Variants in RALGPS2 observed in about 807,000 individuals in gnomAD.
RALGPS2 encodes the protein Ral GEF with PH domain and SH3 binding motif 2.
A neutral mutation model predicts 86.8 loss-of-function variants in RALGPS2; 43 were observed. The ratio of observed to expected loss-of-function variants is 0.50; its 90% CI spans 0.39 to 0.64. The LOEUF is 0.64. Among genes scored for constraint, RALGPS2 ranks in the 30% least tolerant of loss-of-function variants. The probability of loss-of-function intolerance (pLI) is 0.00; values close to 1 mark genes in which losing one functional copy is unlikely to be tolerated. For missense variants in RALGPS2, 536 were observed against 694.6 expected (o/e 0.77, Z 2.57); for synonymous variants, 243 against 231.3 (o/e 1.05, Z -0.46).
At chr1:178,742,954 G>C (rs566693337) in intron 1 of RALGPS2, among the ~76,000 whole-genome samples, 1 of 152,208 alleles carries the variant, frequency 6.6e-6, no homozygotes, top group Non-Finnish European at 1.5e-5. Context: ...GGTGGCCCAT[G>C]CCTGTAATCC....
At chr1:178,891,405 T>C in intron 14 of RALGPS2, among the ~76,000 whole-genome samples, 1 of 152,092 alleles carries the variant, frequency 6.6e-6, no homozygotes, top group East Asian at 1.9e-4. Flanking sequence ...CTGTTCTTAT[T>C]TTCTAGACAG....
At chr1:178,787,455 A>C (rs1653711594) in intron 4 of RALGPS2, among the ~76,000 whole-genome samples, 1 of 152,282 alleles carries the variant, frequency 6.6e-6, no homozygotes, top group Non-Finnish European at 1.5e-5. Context: ...AATTATTGAG[A>C]TATCTTACAT....
intron 16 of RALGPS2, among the ~76,000 whole-genome samples, chr1:178,896,456 A>AT (rs111313896): frequency 8.6e-5 from 12 of 139,080 alleles, no homozygotes; most frequent in South Asian, 2.3e-4. Flanking sequence ...AAACTTCTTT[A>AT]TTTTTTTTTT....
chr1:178,806,337 G>T (rs1172085663), intron 4 of RALGPS2, among the ~76,000 whole-genome samples: 3 of 152,110 alleles, frequency 2.0e-5, no homozygotes, highest in South Asian at 4.1e-4. Flanking sequence ...TGCTTCAGTT[G>T]TTTTTTAACT....
intron 1 of RALGPS2, among the ~76,000 whole-genome samples, chr1:178,769,871 G>C (rs914851845): frequency 6.6e-6 from 1 of 152,152 alleles, no homozygotes; most frequent in Non-Finnish European, 1.5e-5. Context: ...AAGTGTCACA[G>C]AGAGAGGCTC....
At chr1:178,864,814 A>G in intron 8 of RALGPS2, 1 of 497,784 alleles carries the variant, frequency 2.0e-6, no homozygotes, top group Non-Finnish European at 3.2e-6. Flanking sequence ...TCAATTCTTG[A>G]TATTAATAAA....
rs6665037 is a variant in RALGPS2, at chr1:178,776,812, T to A, written c.48T>A (p.Thr16=). The A allele has an allele frequency of 4.3e-6, 7 of 1,612,522 alleles. No homozygotes were observed. The Admixed American group carries it at 8.3e-5, about 19-fold the overall frequency. The change falls in exon 2 of 20, where the codon ACT becomes ACA. Residue 16 remains threonine (T), a synonymous_variant. Coordinates refer to ENST00000367635, the MANE Select transcript of RALGPS2 (RefSeq NM_152663.5). ...CAAGCAGTGTCAATATTGCAGCTAC[T>A]GCTTCTGAGGTAAGATATTTAAGAA... ...GQASSVNIAA[T]ASEKSSSSES...
intron 13 of RALGPS2, among the ~76,000 whole-genome samples, chr1:178,886,845 A>G (rs2102380979): frequency 6.6e-6 from 1 of 152,340 alleles, no homozygotes; most frequent in African/African-American, 2.4e-5. Context: ...AAAGTACTGA[A>G]TGTGTGAATA....
chr1:178,856,936 T>C (rs1478840382), intron 8 of RALGPS2, among the ~76,000 whole-genome samples: 2 of 152,162 alleles, frequency 1.3e-5, no homozygotes, highest in African/African-American at 2.4e-5. Context: ...AAAACATTAA[T>C]GTGCTTGGAA....
intron 1 of RALGPS2, among the ~76,000 whole-genome samples, chr1:178,759,237 T>G (rs538401458): frequency 6.6e-6 from 1 of 152,340 alleles, no homozygotes; most frequent in East Asian, 1.9e-4. Flanking sequence ...CATTTTGGTT[T>G]GATTTTTGTA....
chr1:178,790,872 G>T (rs1187736440), intron 4 of RALGPS2, among the ~76,000 whole-genome samples: 1 of 152,140 alleles, frequency 6.6e-6, no homozygotes, highest in Non-Finnish European at 1.5e-5. Context: ...AACATAAAAT[G>T]ATGTCTCTTT....
intron 15 of RALGPS2, among the ~76,000 whole-genome samples, chr1:178,892,718 G>A (rs1415438712): frequency 6.6e-6 from 1 of 151,894 alleles, no homozygotes; most frequent in African/African-American, 2.4e-5. Flanking sequence ...TAAACTACAG[G>A]TCCTGAATGT....
At chr1:178,822,037 T>A (rs1390904273) in intron 7 of RALGPS2, among the ~76,000 whole-genome samples, 1 of 152,174 alleles carries the variant, frequency 6.6e-6, no homozygotes, top group Non-Finnish European at 1.5e-5. Flanking sequence ...TCGTAAAGAT[T>A]ATGCTTTTGG....
At chr1:178,840,192 A>G (rs149357489) in intron 8 of RALGPS2, among the ~76,000 whole-genome samples, 2,637 of 152,340 alleles carry the variant, frequency 0.017, 80 homozygotes, top group African/African-American at 0.06. Flanking sequence ...AATCAACAGA[A>G]TATACATTCT....
chr1:178,839,761 G>C lies in RALGPS2; in HGVS notation c.607+6211G>C, dbSNP rs12022810. On this transcript the variant is annotated intron_variant, in intron 8 of 19. Coordinates refer to ENST00000367635, the MANE Select transcript of RALGPS2 (RefSeq NM_152663.5). ...ACCCATCAGTGTGCTGTATTCAGGAGACCCATCTCATGTGCAGGGACACAC... is the reference window on the plus strand; with the variant it reads ...ACCCATCAGTGTGCTGTATTCAGGACACCCATCTCATGTGCAGGGACACAC... 6.6e-5 allele frequency among the ~76,000 whole-genome samples: 10 copies of C among 152,248 alleles called. No individual in the cohort carries two copies. In the East Asian group the frequency reaches 1.9e-3, roughly 29 times the overall value.
intron 8 of RALGPS2, among the ~76,000 whole-genome samples, chr1:178,856,931 A>G (rs1572410349): frequency 6.6e-6 from 1 of 152,318 alleles, no homozygotes; most frequent in Admixed American, 6.5e-5. Context: ...GGCACAAAAC[A>G]TTAATGTGCT....
chr1:178,826,712 T>C (rs1243214626), intron 7 of RALGPS2, among the ~76,000 whole-genome samples: 1 of 152,204 alleles, frequency 6.6e-6, no homozygotes, highest in Non-Finnish European at 1.5e-5. Flanking sequence ...TTTTAAAAAA[T>C]AGGTTTACTT....
intron 1 of RALGPS2, among the ~76,000 whole-genome samples, chr1:178,727,506 C>T (rs749844437): frequency 3.3e-5 from 5 of 152,288 alleles, no homozygotes; most frequent in South Asian, 2.1e-4. Context: ...ACACAACGTG[C>T]TTTTCTAATA....
chr1:178,902,195 G>T lies in RALGPS2; in HGVS notation c.1614G>T (p.Leu538=). 6.2e-7 allele frequency: 1 copy of T among 1,612,096 alleles called. No individual in the cohort carries two copies. Among genetic ancestry groups the T allele is most frequent in the Non-Finnish European group, 8.5e-7 (1 of 1,178,438 alleles). Residue 538 remains leucine (L), a synonymous_variant, in exon 18 of 20, where the codon CTG becomes CTT. Coordinates refer to ENST00000367635, the MANE Select transcript of RALGPS2 (RefSeq NM_152663.5). ...CTGAACATCCTGATCTCTTCCTGCT[G>T]ACTGACTCTGAGAAAGGTGAATTGT... ...DDPEHPDLFL[L]TDSEKGNSYK... is the part of the protein sequence containing the mutation.
Sources: gnomAD v4.1 joint callset for allele counts (sites outside exome capture counted in the v4.1 genomes callset) on GRCh38, gnomAD v4.1.1 for gene constraint, MANE v1.5 for transcripts, NCBI Gene and HGNC (gene_info 2026-07-23, HGNC 2026-07-21) for gene names.